Variants in MICU1 observed in about 807,000 individuals in gnomAD.
MICU1 encodes the protein calcium uptake protein 1, mitochondrial.
Under a neutral mutation model 56.8 loss-of-function variants are expected in MICU1, and 45 were observed. The observed-to-expected ratio is 0.79, with a 90% CI of 0.62 to 1.02. MICU1 has a LOEUF of 1.02. MICU1 is among the 50% of genes least tolerant of loss of function. MICU1 has a pLI of 0.00. For synonymous variants in MICU1, 186 were observed against 195.1 expected, an observed-to-expected ratio of 0.95 and a Z score of 0.39; for missense variants, 504 against 587.1, an observed-to-expected ratio of 0.86 and a Z score of 1.46.
chr10:72,495,464 CGGCCAACAT>C (rs979804503), intron 6 of MICU1, among the ~76,000 whole-genome samples: 1 of 151,982 alleles, frequency 6.6e-6, no homozygotes, highest in African/African-American at 2.4e-5. Flanking sequence ...AAGACTAGCA[CGGCCAACAT>C]GGTGAAACCT....
intron 1 of MICU1, among the ~76,000 whole-genome samples, chr10:72,601,800 T>C (rs991542695): frequency 1.1e-4 from 2 of 18,252 alleles, no homozygotes; most frequent in East Asian, 5.7e-4. Context: ...TTTTTTCTTT[T>C]TCTTTTTTTT....
intron 3 of MICU1, among the ~76,000 whole-genome samples, chr10:72,556,868 C>T (rs962949357): frequency 1.3e-4 from 20 of 151,680 alleles, no homozygotes; most frequent in African/African-American, 4.8e-4. Flanking sequence ...AGTTCGAGAC[C>T]AGCCTGGCCA....
intron 4 of MICU1, among the ~76,000 whole-genome samples, chr10:72,539,364 T>G (rs1839712093): frequency 6.6e-6 from 1 of 152,134 alleles, no homozygotes; most frequent in South Asian, 2.1e-4. Context: ...TTAACAAATT[T>G]AAGAAGACTG....
At chr10:72,587,762 T>C (rs886339735) in intron 1 of MICU1, among the ~76,000 whole-genome samples, 1 of 151,936 alleles carries the variant, frequency 6.6e-6, no homozygotes, top group Non-Finnish European at 1.5e-5. Flanking sequence ...CCAGCCTAGG[T>C]GACAGAGTGA....
rs181450710 is a variant in MICU1 at position 72,377,531 on chromosome 10, G to A, written c.1181-1659C>T. Among the ~76,000 whole-genome samples, 10 of 152,180 alleles carry A rather than the reference G, an allele frequency of 6.6e-5. No individual in the cohort carries two copies. The East Asian group carries it at 7.7e-4, about 12-fold the overall frequency. On this transcript the variant is annotated intron_variant, in intron 10 of 11. Coordinates refer to ENST00000361114, the MANE Select transcript of MICU1 (RefSeq NM_001195518.2). ...GTTTTCTCTTTCCCAGACATTCACCGTCAAACACTAGCAATTATGTTAGAA... is the reference window on the plus strand; with the variant it reads ...GTTTTCTCTTTCCCAGACATTCACCATCAAACACTAGCAATTATGTTAGAA...
At position 72,375,757 on chromosome 10, in the gene MICU1, T is replaced by A. The variant is rs116533383; in HGVS notation, c.1270+26A>T. On this transcript the variant is annotated intron_variant, in intron 11 of 11. Transcript: ENST00000361114. ...CTAAGGGCAGCTAGGCTGTTTCCCCTCCGGGCTCCAGAGGGCCCCACTCAC... is the reference window on the plus strand; with the variant it reads ...CTAAGGGCAGCTAGGCTGTTTCCCCACCGGGCTCCAGAGGGCCCCACTCAC... 8,602 of 1,602,112 alleles carry A rather than the reference T, an allele frequency of 5.4e-3. 387 individuals are homozygous for A. The African/African-American group carries it at 0.1, about 19-fold the overall frequency.
intron 10 of MICU1, among the ~76,000 whole-genome samples, chr10:72,381,023 A>G (rs1331192689): frequency 6.6e-5 from 10 of 152,194 alleles, no homozygotes; most frequent in Non-Finnish European, 1.2e-4. Flanking sequence ...GACAACTTAA[A>G]AAGTGTATTC....
chr10:72,427,736 AT>A (rs1170616869), intron 8 of MICU1, among the ~76,000 whole-genome samples: 218 of 6,740 alleles, frequency 0.032, 4 homozygotes, highest in East Asian at 0.065. Context: ...TCTCTAAAAT[AT>A]ATATATATAT....
intron 8 of MICU1, among the ~76,000 whole-genome samples, chr10:72,456,948 T>G (rs548834952): frequency 1.1e-4 from 4 of 36,428 alleles, no homozygotes; most frequent in Non-Finnish European, 2.6e-4. Context: ...ATTGCCCAGG[T>G]GTGTGTGTGT....
intron 9 of MICU1, among the ~76,000 whole-genome samples, chr10:72,414,690 T>C (rs919541574): frequency 1.3e-5 from 2 of 152,234 alleles, no homozygotes; most frequent in Non-Finnish European, 2.9e-5. Flanking sequence ...GGATAACTTA[T>C]GGTATATAAA....
At chr10:72,589,253 CACTCCA>C (rs1261733943) in intron 1 of MICU1, among the ~76,000 whole-genome samples, 2 of 151,534 alleles carry the variant, frequency 1.3e-5, no homozygotes, top group Non-Finnish European at 2.9e-5. Context: ...TGCGTCACTG[CACTCCA>C]GCCTGGGCGA....
chr10:72,388,456 G>A (rs1048840235), intron 10 of MICU1, among the ~76,000 whole-genome samples: 2 of 152,182 alleles, frequency 1.3e-5, no homozygotes, highest in African/African-American at 2.4e-5. Context: ...CTACTAAGGC[G>A]TTCCTATGCA....
At position 72,449,235 on chromosome 10, in the gene MICU1, C is replaced by T. The variant is rs565182285; in HGVS notation, c.934-25864G>A. The stretch of plus-strand genomic sequence containing the variant: ...CAACATGGTGAAACCCTGTCTCTAC[C>T]AAAAATACAAAAATTAGCAAGGCAT... On this transcript the variant is annotated intron_variant, in intron 8 of 11. Transcript: ENST00000361114. 7.9e-5 allele frequency among the ~76,000 whole-genome samples: 12 copies of T among 152,038 alleles called. 1 individual carries two copies. In the South Asian group the frequency reaches 2.5e-3, roughly 32 times the overall value.
intron 3 of MICU1, among the ~76,000 whole-genome samples, chr10:72,555,330 AG>A (rs1840134135): frequency 6.6e-6 from 1 of 152,226 alleles, no homozygotes; most frequent in Non-Finnish European, 1.5e-5. Flanking sequence ...ACCAATAAAA[AG>A]TAAGCCCCAG....
At chr10:72,405,702 T>G (rs1432222817) in intron 10 of MICU1, among the ~76,000 whole-genome samples, 1 of 152,194 alleles carries the variant, frequency 6.6e-6, no homozygotes, top group African/African-American at 2.4e-5. Context: ...GGATAAGGAA[T>G]AGTCAATGTC....
intron 10 of MICU1, among the ~76,000 whole-genome samples, chr10:72,403,503 C>T (rs2132093373): frequency 1.3e-5 from 2 of 151,888 alleles, no homozygotes; most frequent in Middle Eastern, 6.8e-3. Flanking sequence ...AGGTGTAAGC[C>T]ACCACATGCA....
intron 1 of MICU1, among the ~76,000 whole-genome samples, chr10:72,599,081 C>G (rs1229265560): frequency 6.6e-6 from 1 of 152,158 alleles, no homozygotes; most frequent in Admixed American, 6.5e-5. Context: ...TATGTTTATC[C>G]TCATCTTTAT....
At chr10:72,395,340 C>T (rs1863213329) in intron 10 of MICU1, among the ~76,000 whole-genome samples, 1 of 152,076 alleles carries the variant, frequency 6.6e-6, no homozygotes, top group Non-Finnish European at 1.5e-5. Flanking sequence ...AGGAACAGCT[C>T]CGGTCTGCAG....
At chr10:72,563,787 T>G (rs950688) in intron 2 of MICU1, among the ~76,000 whole-genome samples, 95,631 of 151,930 alleles carry the variant, frequency 0.63, 31,627 homozygotes, top group African/African-American at 0.72. Context: ...AAACTAAATG[T>G]ACTAGACTTC....
Sources: allele counts gnomAD v4.1 joint callset (sites outside exome capture counted in the v4.1 genomes callset), GRCh38; gene constraint gnomAD v4.1.1; transcripts MANE v1.5; gene names NCBI Gene and HGNC (gene_info 2026-07-23, HGNC 2026-07-21).